Variants in CDC14B observed in about 807,000 individuals in gnomAD.
The protein encoded by CDC14B is dual specificity protein phosphatase CDC14B.
A neutral mutation model predicts 64.2 loss-of-function variants in CDC14B; 22 were observed. The ratio of observed to expected loss-of-function variants is 0.34; its 90% confidence interval spans 0.24 to 0.49. The LOEUF is 0.49. CDC14B is among the 20% of genes least tolerant of loss of function. CDC14B has a pLI of 0.99. For missense variants in CDC14B, 498 were observed against 629.9 expected (o/e 0.79, Z 2.24); for synonymous variants, 191 against 215.8 (o/e 0.89, Z 1.01).
At chr9:96,505,514 A>G (rs1304920435) in intron 13 of CDC14B, among the ~76,000 whole-genome samples, 1 of 152,212 alleles carries the variant, frequency 6.6e-6, no homozygotes, top group Admixed American at 6.5e-5. Flanking sequence ...GCAGGCTCTC[A>G]CTCGGGGCAT....
At chr9:96,596,192 T>C (rs1045578091) in intron 1 of CDC14B, among the ~76,000 whole-genome samples, 2 of 151,856 alleles carry the variant, frequency 1.3e-5, no homozygotes, top group African/African-American at 4.8e-5. Flanking sequence ...TGAAACCCTG[T>C]CTCTACTAAA....
intron 4 of CDC14B, among the ~76,000 whole-genome samples, chr9:96,561,767 G>GT (rs1843239179): frequency 6.6e-6 from 1 of 151,840 alleles, no homozygotes; most frequent in Admixed American, 6.5e-5. Flanking sequence ...GATTACAGGC[G>GT]TAAGCCACTG....
chr9:96,528,090 G>C (rs1837858584), intron 9 of CDC14B, among the ~76,000 whole-genome samples: 1 of 152,158 alleles, frequency 6.6e-6, no homozygotes, highest in African/African-American at 2.4e-5. Context: ...CATCCATGTG[G>C]CAGTACATGT....
At chr9:96,583,383 T>TTAA (rs949313759) in intron 1 of CDC14B, among the ~76,000 whole-genome samples, 3 of 141,638 alleles carry the variant, frequency 2.1e-5, no homozygotes, top group African/African-American at 8.1e-5. Context: ...ATTATTATTA[T>TTAA]TATTATTATT....
Position 96,551,111 on chromosome 9 carries a change from C to CTTTTTTTTTTTTT in CDC14B, c.497+672_497+684dup, listed in dbSNP as rs202193145. On this transcript the variant is annotated intron_variant, in intron 5 of 13. Coordinates refer to ENST00000375241, the MANE Select transcript of CDC14B (RefSeq NM_033331.4). ...TACAAAGCCTAGGTTTTGGGGTTTG[C>CTTTTTTTTTTTTT]TTTTTTTTTTTTTTTTTTTGAGACA... Among the ~76,000 whole-genome samples the CTTTTTTTTTTTTT allele has an allele frequency of 5.7e-3, 535 of 93,236 alleles. 86 individuals are homozygous for CTTTTTTTTTTTTT. The highest frequency in any genetic ancestry group is 0.023 in the African/African-American group (474 of 20,328). 61.2% of individuals were successfully genotyped at this position (93,236 alleles called of 152,430 possible).
At chr9:96,544,172 G>A (rs978395902) in intron 5 of CDC14B, among the ~76,000 whole-genome samples, 8 of 151,772 alleles carry the variant, frequency 5.3e-5, no homozygotes, top group Admixed American at 1.3e-4. Context: ...AGCCAAGATC[G>A]CACGCCACTG....
At chr9:96,580,543 T>C (rs1213435945) in intron 1 of CDC14B, among the ~76,000 whole-genome samples, 2 of 152,186 alleles carry the variant, frequency 1.3e-5, no homozygotes, top group Non-Finnish European at 2.9e-5. Flanking sequence ...ATTGCTACTT[T>C]TATACAAAGA....
chr9:96,515,875 T>C lies in CDC14B; in HGVS notation c.1344-6086A>G. Reference sequence around the variant, plus strand: ...ACGCAATCATCAATCAATCAAGCCATATGTGAATTTTAGACACCCTAAAAG... The same window carrying C: ...ACGCAATCATCAATCAATCAAGCCACATGTGAATTTTAGACACCCTAAAAG... On this transcript the variant is annotated intron_variant, in intron 12 of 13. Coordinates refer to ENST00000375241, the MANE Select transcript of CDC14B (RefSeq NM_033331.4). The surrounding 1 kb of genome is among the most constrained non-coding windows in gnomAD (Gnocchi z 4.3). The C allele has an allele frequency of 1.5e-6, 2 of 1,346,692 alleles. No individual in the cohort carries two copies. Among genetic ancestry groups the C allele is most frequent in the South Asian group, 1.6e-5 (1 of 63,896 alleles). 83.4% of individuals were successfully genotyped at this position (1,346,692 alleles called of 1,614,324 possible). A position where few individuals can be genotyped will look rare whatever the true frequency, so the allele number is the denominator to read the frequency against.
intron 9 of CDC14B, among the ~76,000 whole-genome samples, chr9:96,531,450 A>G (rs1401137470): frequency 6.6e-6 from 1 of 152,168 alleles, no homozygotes; most frequent in Non-Finnish European, 1.5e-5. Context: ...CGTACTGATC[A>G]GCTTTATTTC....
At chr9:96,568,662 T>C (rs574975490) in intron 1 of CDC14B, among the ~76,000 whole-genome samples, 1 of 152,302 alleles carries the variant, frequency 6.6e-6, no homozygotes, top group Non-Finnish European at 1.5e-5. Flanking sequence ...ATGCCTGTAA[T>C]CACAGCATTT....
chr9:96,527,393 C>T (rs141694814), intron 9 of CDC14B, among the ~76,000 whole-genome samples: 170 of 151,996 alleles, frequency 1.1e-3, no homozygotes, highest in African/African-American at 3.5e-3. Context: ...AGCAAGACTC[C>T]GTCTCAAAAA....
Position 96,619,517 on chromosome 9 carries a change from G to C in CDC14B, c.-139C>G, listed in dbSNP as rs1008155649. On this transcript the variant is annotated 5_prime_UTR_variant, in exon 1 of 14. Coordinates refer to ENST00000375241, the MANE Select transcript of CDC14B (RefSeq NM_033331.4). ...GCTGCGGGGACGGCGGGCGCCGGCA[G>C]AGCCCGGCGGGAGGCGGTCGCGCAG... is the stretch of plus-strand genomic sequence containing the variant. 11 of 254,326 alleles carry C rather than the reference G, an allele frequency of 4.3e-5. 1 individual carries two copies. The Admixed American group carries it at 4.7e-4, about 11-fold the overall frequency. 15.8% of individuals were successfully genotyped at this position (254,326 alleles called of 1,614,324 possible). A position where few individuals can be genotyped will look rare whatever the true frequency, so the allele number is the denominator to read the frequency against.
chr9:96,614,766 T>C (rs1847521962), intron 1 of CDC14B, among the ~76,000 whole-genome samples: 1 of 152,166 alleles, frequency 6.6e-6, no homozygotes, highest in Non-Finnish European at 1.5e-5. Context: ...TCCTCCAGTT[T>C]CCTAGACTAG....
intron 12 of CDC14B, chr9:96,514,308 G>A: frequency 5.6e-6 from 3 of 535,928 alleles, no homozygotes; most frequent in Non-Finnish European, 7.2e-6. Flanking sequence ...AACAGTTTGA[G>A]AAGAATAACT....
At chr9:96,561,637 C>T (rs1843215502) in intron 4 of CDC14B, among the ~76,000 whole-genome samples, 1 of 151,396 alleles carries the variant, frequency 6.6e-6, no homozygotes, top group Non-Finnish European at 1.5e-5. Flanking sequence ...CGCCACCACG[C>T]CCGGCTCATT....
At chr9:96,520,060 G>T (rs1836441281) in intron 12 of CDC14B, among the ~76,000 whole-genome samples, 1 of 152,120 alleles carries the variant, frequency 6.6e-6, no homozygotes, top group African/African-American at 2.4e-5. Context: ...CTTTTCTAGG[G>T]CCAAAAAACT....
intron 1 of CDC14B, among the ~76,000 whole-genome samples, chr9:96,588,352 C>G (rs970236925): frequency 4.6e-5 from 7 of 152,192 alleles, no homozygotes; most frequent in African/African-American, 1.4e-4. Flanking sequence ...AGCAACTCCA[C>G]TGGAAGCCAA....
chr9:96,492,013 T>C, exon 14 of CDC14B: 1 of 152,948 alleles, frequency 6.5e-6, no homozygotes, highest in Non-Finnish European at 1.5e-5. Flanking sequence ...GTCACCAGCA[T>C]GCCGTTGGGA....
intron 13 of CDC14B, among the ~76,000 whole-genome samples, chr9:96,507,168 C>T (rs1444685712): frequency 6.6e-6 from 1 of 152,026 alleles, no homozygotes; most frequent in Non-Finnish European, 1.5e-5. Context: ...GTGGCACATG[C>T]CACCCACAAG....
Sources: gnomAD v4.1 joint callset for allele counts (sites outside exome capture counted in the v4.1 genomes callset) on GRCh38, gnomAD v4.1.1 for gene constraint, Gnocchi (gnomAD v3.1) non-coding constraint, MANE v1.5 for transcripts, NCBI Gene and HGNC (gene_info 2026-07-23, HGNC 2026-07-21) for gene names.